Variants in NFAM1 observed in about 807,000 individuals in gnomAD.
The protein encoded by NFAM1 is NFAT activating protein with ITAM motif 1.
NFAM1 carries 17 observed loss-of-function variants against 29.0 expected under a neutral mutation model. The observed-to-expected ratio is 0.59, with a 90% CI of 0.40 to 0.88. The LOEUF is 0.88. Ranked by LOEUF, NFAM1 falls within the 40% of genes least tolerant of loss-of-function variation. The pLI, the probability that NFAM1 is intolerant of heterozygous loss-of-function variation, is 0.00. For synonymous variants in NFAM1, 175 were observed against 147.2 expected, an observed-to-expected ratio of 1.19 and a Z score of -1.36; for missense variants, 324 against 344.6, an observed-to-expected ratio of 0.94 and a Z score of 0.47.
intron 5 of NFAM1, among the ~76,000 whole-genome samples, chr22:42,385,568 C>T (rs531373917): frequency 1.1e-3 from 167 of 152,262 alleles, no homozygotes; most frequent in African/African-American, 3.9e-3. Flanking sequence ...GCGGGCTCAT[C>T]ATAGGGTCCC....
chr22:42,400,047 T>A (rs577275134), intron 3 of NFAM1, among the ~76,000 whole-genome samples: 1 of 151,936 alleles, frequency 6.6e-6, no homozygotes, highest in South Asian at 2.1e-4. Context: ...CATGAGGGAG[T>A]GAAGGCTCAG....
chr22:42,386,815 C>G (rs1314904281), intron 5 of NFAM1, among the ~76,000 whole-genome samples, 174 bp downstream of exon 5: 1 of 152,186 alleles, frequency 6.6e-6, no homozygotes, highest in Non-Finnish European at 1.5e-5. Flanking sequence ...AGGGACAGAG[C>G]AGGAACTCAA....
At chr22:42,391,993 G>A (rs1343001185) in intron 4 of NFAM1, among the ~76,000 whole-genome samples, 1 of 150,648 alleles carries the variant, frequency 6.6e-6, no homozygotes, top group Admixed American at 6.6e-5. Flanking sequence ...TGAGAGAGAT[G>A]TTGTTTAGAC....
Position 42,385,051 on chromosome 22 carries a change from G to T in NFAM1, c.*110C>A, listed in dbSNP as rs529879100. 8.6e-6 allele frequency: 7 copies of T among 816,730 alleles called. No homozygotes were observed. The African/African-American group carries it at 1.2e-4, about 14-fold the overall frequency. The allele number at this position is 816,730 out of a possible 1,614,324, so 50.6% of individuals were successfully genotyped here. ...AGGGCCTTGAATGTGAGGGTGAAAT[G>T]ATGGGGTGTCCCTGGGGGCCTTACT... On this transcript the variant is annotated 3_prime_UTR_variant, in exon 6 of 6. Transcript: ENST00000329021.
intron 4 of NFAM1, among the ~76,000 whole-genome samples, chr22:42,392,559 A>AG (rs1929380558): frequency 6.6e-6 from 1 of 152,100 alleles, no homozygotes; most frequent in Non-Finnish European, 1.5e-5. Flanking sequence ...AGGGAGCTGG[A>AG]GGGGGATGCG....
intron 4 of NFAM1, among the ~76,000 whole-genome samples, chr22:42,390,178 G>A (rs1325383121): frequency 6.6e-6 from 1 of 152,126 alleles, no homozygotes; most frequent in Non-Finnish European, 1.5e-5. Flanking sequence ...GAGTACTGCT[G>A]CTGAATGAGG....
chr22:42,398,382 T>TTTATTATTATTA lies in NFAM1; in HGVS notation c.565-438_565-427dup, dbSNP rs202112713. On this transcript the variant is annotated intron_variant, in intron 3 of 5. Coordinates refer to ENST00000329021, the MANE Select transcript of NFAM1 (RefSeq NM_145912.8). ...AGTTCCCCTCTGGGCCTTGGTTTTATTTATTATTATTATTATTATTATTAT... is the reference window on the plus strand; with the variant it reads ...AGTTCCCCTCTGGGCCTTGGTTTTATTTATTATTATTATTATTATTATTATTATTATTATTAT... Among the ~76,000 whole-genome samples, 1,006 of 125,412 alleles carry TTTATTATTATTA rather than the reference T, an allele frequency of 8.0e-3. 5 individuals carry two copies. The highest frequency in any genetic ancestry group is 0.013 in the Middle Eastern group (3 of 234). The allele number at this position is 125,412 out of a possible 152,430, so 82.3% of individuals were successfully genotyped here.
upstream of NFAM1, among the ~76,000 whole-genome samples, chr22:42,436,264 G>A (rs1930938111): frequency 2.6e-5 from 4 of 152,304 alleles, no homozygotes; most frequent in South Asian, 2.1e-4. Context: ...TCTGCTCCCC[G>A]CTGCGGCTGC....
chr22:42,404,578 A>C (rs961120754), intron 3 of NFAM1, among the ~76,000 whole-genome samples: 8 of 152,104 alleles, frequency 5.3e-5, no homozygotes, highest in African/African-American at 1.9e-4. Flanking sequence ...GGCAGCAGAA[A>C]GCTTCTGCTG....
In NFAM1 at chr22:42,383,709, T is replaced by G. The variant is rs1375480730; in HGVS notation, c.*1452A>C. 1 of 152,714 alleles carries G rather than the reference T, an allele frequency of 6.5e-6. No homozygotes were observed. Among genetic ancestry groups the G allele is most frequent in the Non-Finnish European group, 1.5e-5 (1 of 68,100 alleles). 9.5% of individuals were successfully genotyped at this position (152,714 alleles called of 1,614,324 possible). On this transcript the variant is annotated 3_prime_UTR_variant, in exon 6 of 6. Transcript: ENST00000329021. ...GTGCTTCTGTGAGCCAGTAGCCCAGTGCTGCTTGGGGGCAGGGGCGGGGCC... is the reference window on the plus strand; with the variant it reads ...GTGCTTCTGTGAGCCAGTAGCCCAGGGCTGCTTGGGGGCAGGGGCGGGGCC...
intron 1 of NFAM1, among the ~76,000 whole-genome samples, chr22:42,416,841 G>A (rs1930275568): frequency 6.6e-6 from 1 of 152,176 alleles, no homozygotes; most frequent in Admixed American, 6.5e-5. Flanking sequence ...AACGTGGTCC[G>A]GGGCAGTGAG....
At chr22:42,406,191 G>A (rs75888475) in intron 3 of NFAM1, among the ~76,000 whole-genome samples, 4,508 of 152,200 alleles carry the variant, frequency 0.03, 167 homozygotes, top group African/African-American at 0.085. Flanking sequence ...CTCACCCCCC[G>A]AGGGAGCAGA....
chr22:42,437,372 G>A (rs1041657062), upstream of NFAM1, among the ~76,000 whole-genome samples: 1 of 151,906 alleles, frequency 6.6e-6, no homozygotes, highest in Non-Finnish European at 1.5e-5. Context: ...CGAACTCCTG[G>A]CCTCAAGTGA....
At chr22:42,410,262 G>A (rs1601750015) in intron 2 of NFAM1, 3 of 225,100 alleles carry the variant, frequency 1.3e-5, no homozygotes, top group African/African-American at 4.7e-5. Flanking sequence ...ATGGGATTCC[G>A]AAGCCCCCAG....
chr22:42,397,207 C>G (rs56964033), intron 4 of NFAM1, among the ~76,000 whole-genome samples: 1,599 of 152,312 alleles, frequency 0.01, 26 homozygotes, highest in African/African-American at 0.036. Flanking sequence ...GCTGGCTGGC[C>G]AGGCTGGGGC....
rs761355782 is a variant in NFAM1 at position 42,411,692 on chromosome 22, G to A, written c.166C>T (p.Leu56=). ...THTGLPIMAS[L]ANTAISFSCR... ...CTGAAGGAGATAGCTGTGTTGGCCAGGGAGGCCATGATGGGCAGGCCGGTG... is the reference window on the plus strand; with the variant it reads ...CTGAAGGAGATAGCTGTGTTGGCCAAGGAGGCCATGATGGGCAGGCCGGTG... Residue 56 remains leucine, a synonymous_variant, in exon 2 of 6, where the codon CTG becomes TTG. Coordinates refer to ENST00000329021, the MANE Select transcript of NFAM1 (RefSeq NM_145912.8). The A allele has an allele frequency of 1.9e-6, 3 of 1,614,104 alleles. No individual in the cohort carries two copies. Among genetic ancestry groups the A allele is most frequent in the Non-Finnish European group, 2.5e-6 (3 of 1,179,946 alleles).
In NFAM1 at chr22:42,388,932, G is replaced by A. The variant is rs979319807; in HGVS notation, c.664-1854C>T. On this transcript the variant is annotated intron_variant, in intron 4 of 5. Transcript: ENST00000329021. This position sits in a 1 kb window ranked among gnomAD's most constrained non-coding sequence, Gnocchi z 4.1. ...TTCCAAGTCCTGCCCTGCCTTGTGC[G>A]GCCTTCGTGCCTGTCCGGAGCACCA... 2.0e-5 allele frequency among the ~76,000 whole-genome samples: 3 copies of A among 152,160 alleles called. No individual in the cohort carries two copies. The highest frequency in any genetic ancestry group is 7.2e-5 in the African/African-American group (3 of 41,434).
At chr22:42,392,869 G>A (rs1019831539) in intron 4 of NFAM1, among the ~76,000 whole-genome samples, 9 of 151,326 alleles carry the variant, frequency 5.9e-5, no homozygotes, top group East Asian at 2.0e-4. Flanking sequence ...GCATAATCTC[G>A]GCTCACTGCA....
intron 1 of NFAM1, among the ~76,000 whole-genome samples, chr22:42,414,260 G>A (rs2147110967): frequency 6.6e-6 from 1 of 152,254 alleles, no homozygotes; most frequent in East Asian, 1.9e-4. Flanking sequence ...CTGGTGGACG[G>A]AGCAGGGGGG....
Sources: gnomAD v4.1 joint callset for allele counts (sites outside exome capture counted in the v4.1 genomes callset) on GRCh38, gnomAD v4.1.1 for gene constraint, Gnocchi (gnomAD v3.1) non-coding constraint, MANE v1.5 for transcripts, NCBI Gene and HGNC (gene_info 2026-07-23, HGNC 2026-07-21) for gene names.